Variants in SLC12A2 observed in about 807,000 individuals in gnomAD.
The protein encoded by SLC12A2 is solute carrier family 12 member 2, also known as Na-K-2Cl cotransporter 1.
SLC12A2 carries 67 observed loss-of-function variants against 136.3 expected under a neutral mutation model. The ratio of observed to expected loss-of-function variants is 0.49; its 90% CI spans 0.40 to 0.60. SLC12A2 has a LOEUF of 0.60. Among genes scored for constraint, SLC12A2 ranks in the 20% least tolerant of loss-of-function variants. The pLI, the probability that SLC12A2 is intolerant of heterozygous loss-of-function variation, is 0.00. For synonymous variants in SLC12A2, 619 were observed against 562.9 expected, an observed-to-expected ratio of 1.10 and a Z score of -1.41; for missense variants, 1,322 against 1,534.7, an observed-to-expected ratio of 0.86 and a Z score of 2.32.
chr5:128,113,807 T>A (rs964551317), intron 2 of SLC12A2, among the ~76,000 whole-genome samples: 2 of 152,200 alleles, frequency 1.3e-5, no homozygotes, highest in Non-Finnish European at 2.9e-5. Context: ...TACTTAAATC[T>A]GCTGAAGAAA....
At chr5:128,154,985 G>A (rs1340565262) in intron 15 of SLC12A2, among the ~76,000 whole-genome samples, 1 of 149,694 alleles carries the variant, frequency 6.7e-6, no homozygotes, top group Non-Finnish European at 1.5e-5. Context: ...TTTTTTTTTG[G>A]CATATTCAAA....
intron 14 of SLC12A2, among the ~76,000 whole-genome samples, chr5:128,151,823 A>G (rs1434940198): frequency 2.0e-5 from 3 of 152,144 alleles, no homozygotes; most frequent in East Asian, 3.8e-4. Flanking sequence ...AGTGAGTACC[A>G]TGGAGTTAAC....
intron 1 of SLC12A2, among the ~76,000 whole-genome samples, chr5:128,108,517 A>T (rs903732165): frequency 5.3e-5 from 8 of 152,256 alleles, no homozygotes; most frequent in African/African-American, 1.9e-4. Flanking sequence ...GAACCCTGAA[A>T]ACATGCTAAG....
chr5:128,143,324 G>T (rs959201613), intron 10 of SLC12A2, among the ~76,000 whole-genome samples: 15 of 152,068 alleles, frequency 9.9e-5, no homozygotes, highest in Non-Finnish European at 2.1e-4. Context: ...TACTTTATTA[G>T]ATATGGCTCA....
At position 128,131,092 on chromosome 5, in the gene SLC12A2, A is replaced by G. The variant is rs950452374; in HGVS notation, c.1074A>G (p.Arg358=). Residue 358 remains arginine, a synonymous_variant, in exon 5 of 27, where the codon AGA becomes AGG. Coordinates refer to ENST00000262461, the MANE Select transcript of SLC12A2 (RefSeq NM_001046.3). ...GAGGAGCATATTATTTAATATCTAG[A>G]AGTCTAGGGCCAGAATTTGGTGGTG... The part of the protein sequence containing the change: ...RGGGAYYLIS[R]SLGPEFGGAI... 3 of 1,613,844 alleles carry G rather than the reference A, an allele frequency of 1.9e-6. No homozygotes were observed. In the African/African-American group the frequency reaches 4.0e-5, roughly 22 times the overall value.
intron 4 of SLC12A2, among the ~76,000 whole-genome samples, chr5:128,118,030 T>G (rs1046914369): frequency 6.6e-6 from 1 of 152,052 alleles, no homozygotes; most frequent in African/African-American, 2.4e-5. Flanking sequence ...ATCTTACTCC[T>G]GCAGGAATGG....
At chr5:128,089,537 G>C (rs1408575871) in intron 1 of SLC12A2, among the ~76,000 whole-genome samples, 1 of 152,166 alleles carries the variant, frequency 6.6e-6, no homozygotes, top group African/African-American at 2.4e-5. Context: ...CAAAGATGTT[G>C]AGGGGGACCC....
rs186251176 is a variant in SLC12A2 at position 128,114,100 on chromosome 5, C to T, written c.877-112C>T. 1.2e-4 allele frequency: 95 copies of T among 761,936 alleles called. No homozygotes were observed. The African/African-American group carries it at 1.3e-3, about 10-fold the overall frequency. The allele number at this position is 761,936 out of a possible 1,614,324, so 47.2% of individuals were successfully genotyped here. On this transcript the variant is annotated intron_variant, in intron 2 of 26. Coordinates refer to ENST00000262461, the MANE Select transcript of SLC12A2 (RefSeq NM_001046.3). ...GGGGTAGGAGTTAGATTTAAAACTACATATCTTCTGTAGTTTCAAATGCAT... is the reference window on the plus strand; with the variant it reads ...GGGGTAGGAGTTAGATTTAAAACTATATATCTTCTGTAGTTTCAAATGCAT...
In SLC12A2 at chr5:128,084,232, C is replaced by G; in HGVS notation, c.278C>G (p.Ala93Gly). ...CTGGTTTCCGAGAACGCCGGGCGGG[C>G]CGCTGCTGCGGCGGCGGCGGCGGCG... ...VDLVSENAGR[A>G]AAAAAAAAAA... The change falls in exon 1 of 27, where the codon GCC becomes GGC. Residue 93 changes from alanine (A) to glycine (G), a missense_variant. Coordinates refer to ENST00000262461, the MANE Select transcript of SLC12A2 (RefSeq NM_001046.3). This position sits in a 1 kb window ranked among gnomAD's most constrained non-coding sequence, Gnocchi z 5.6. 1 of 1,277,656 alleles carries G rather than the reference C, an allele frequency of 7.8e-7. No homozygotes were observed. The highest frequency in any genetic ancestry group is 9.8e-7 in the Non-Finnish European group (1 of 1,022,426). The allele number at this position is 1,277,656 out of a possible 1,614,324, so 79.1% of individuals were successfully genotyped here. A position where few individuals can be genotyped will look rare whatever the true frequency, so the allele number is the denominator to read the frequency against.
intron 6 of SLC12A2, 41 bp from the exon 7 acceptor site, chr5:128,135,659 A>G (rs774396024): frequency 2.4e-6 from 3 of 1,234,708 alleles, no homozygotes; most frequent in Admixed American, 1.8e-5. Flanking sequence ...AGATATAGAA[A>G]CAAGATACTT....
chr5:128,116,630 G>C (rs927617170), intron 4 of SLC12A2, among the ~76,000 whole-genome samples: 9 of 151,992 alleles, frequency 5.9e-5, no homozygotes, highest in Non-Finnish European at 1.3e-4. Context: ...GTGTTCATAC[G>C]ATCAAGAAGG....
intron 15 of SLC12A2, among the ~76,000 whole-genome samples, chr5:128,154,183 G>A (rs1057400935): frequency 2.0e-5 from 3 of 152,012 alleles, no homozygotes; most frequent in East Asian, 1.9e-4. Context: ...AGGCTGAGGC[G>A]GGAGGATCAC....
intron 5 of SLC12A2, among the ~76,000 whole-genome samples, chr5:128,131,459 C>T (rs561804853): frequency 1.3e-4 from 19 of 150,664 alleles, no homozygotes; most frequent in South Asian, 4.2e-4. Context: ...GTCAGGAGAT[C>T]GAGGCGAGCG....
At chr5:128,142,022 T>A in intron 10 of SLC12A2, 41 bp downstream of exon 10, 1 of 1,540,124 alleles carries the variant, frequency 6.5e-7, no homozygotes, top group South Asian at 1.1e-5. Context: ...TCTGTATTTA[T>A]CTAGGGGTGA....
chr5:128,169,772 A>AT (rs1763312710), intron 18 of SLC12A2: 1 of 152,114 alleles, frequency 6.6e-6, no homozygotes. Flanking sequence ...AAAAAGTGAC[A>AT]TTTTTTACAA....
intron 6 of SLC12A2, among the ~76,000 whole-genome samples, chr5:128,134,524 T>C (rs1054995092): frequency 6.6e-6 from 1 of 152,042 alleles, no homozygotes; most frequent in African/African-American, 2.4e-5. Flanking sequence ...TTCTCGCCCA[T>C]CCTCCAGTTT....
chr5:128,091,008 T>C (rs920583557), intron 1 of SLC12A2, among the ~76,000 whole-genome samples: 1 of 151,972 alleles, frequency 6.6e-6, no homozygotes, highest in Non-Finnish European at 1.5e-5. Flanking sequence ...AATACCACGC[T>C]GATTGTTGTG....
At chr5:128,174,811 G>A (rs1763491377) in intron 20 of SLC12A2, 145 bp downstream of exon 20, 2 of 599,448 alleles carry the variant, frequency 3.3e-6, no homozygotes, top group Non-Finnish European at 5.3e-6. Context: ...AAAATTTATG[G>A]CTTTCAAAAA....
chr5:128,102,596 CTTTTTTTTTTTTTTTTTTTT>C (rs70997362), intron 1 of SLC12A2, among the ~76,000 whole-genome samples: 5 of 40,464 alleles, frequency 1.2e-4, no homozygotes, highest in African/African-American at 3.5e-4. Flanking sequence ...CCCCCCCCGC[CTTTTTTTTTTTTTTTTTTTT>C]TTTTTTTTTT....
Sources: allele counts gnomAD v4.1 joint callset (sites outside exome capture counted in the v4.1 genomes callset), GRCh38; gene constraint gnomAD v4.1.1; non-coding constraint Gnocchi (gnomAD v3.1); transcripts MANE v1.5; gene names NCBI Gene and HGNC (gene_info 2026-07-23, HGNC 2026-07-21).